Variants in GREB1 observed in about 807,000 individuals in gnomAD.
The protein encoded by GREB1 is growth regulating estrogen receptor binding 1.
GREB1 carries 106 observed loss-of-function variants against 200.7 expected under a neutral mutation model. The observed-to-expected ratio is 0.53, with a 90% CI of 0.45 to 0.62. GREB1 has a LOEUF of 0.62. Ranked by LOEUF, GREB1 falls within the 20% of genes least tolerant of loss-of-function variation. The pLI is 0.00. For synonymous variants in GREB1, 1,132 were observed against 1,092.4 expected (o/e 1.04, Z -0.72); for missense variants, 2,243 against 2,556.8 (o/e 0.88, Z 2.65).
rs186323865 is a variant in GREB1, at chr2:11,549,173, T to C, written c.-161-7281T>C. 7.2e-5 allele frequency among the ~76,000 whole-genome samples: 11 copies of C among 152,284 alleles called. No individual in the cohort carries two copies. The East Asian group carries it at 2.1e-3, about 29-fold the overall frequency. ...AAAATATTCTTTGGGAATCTCATTT[T>C]CTCCTTTTTCTTTATTTATTCTTCT... On this transcript the variant is annotated intron_variant, in intron 1 of 32. Transcript: ENST00000381486.
In GREB1 at chr2:11,522,835, T is replaced by G. The variant is rs140282019; in HGVS notation, c.-158-33622T>G. Reference sequence around the variant, plus strand: ...CCTGTGCAGGCTTGAAACAAAGGTTTTGTTGTTTTCAGCACATCTCACCAG... The same window carrying G: ...CCTGTGCAGGCTTGAAACAAAGGTTGTGTTGTTTTCAGCACATCTCACCAG... On this transcript the variant is annotated intron_variant, in intron 1 of 2. Coordinates refer to the GREB1 transcript ENST00000628795. Among the ~76,000 whole-genome samples, 808 of 152,350 alleles carry G rather than the reference T, an allele frequency of 5.3e-3. 4 individuals carry two copies. The highest frequency in any genetic ancestry group is 0.031 in the Middle Eastern group (9 of 294).
rs558332296 is a variant in GREB1, at chr2:11,629,717, G to A, written c.4450-231G>A. 1.1e-4 allele frequency among the ~76,000 whole-genome samples: 17 copies of A among 152,272 alleles called. No homozygotes were observed. Among genetic ancestry groups the A allele is most frequent in the African/African-American group, 3.8e-4 (16 of 41,560 alleles). On this transcript the variant is annotated intron_variant, in intron 25 of 32. Coordinates refer to ENST00000381486, the MANE Select transcript of GREB1 (RefSeq NM_014668.4). This position sits in a 1 kb window ranked among gnomAD's most constrained non-coding sequence, Gnocchi z 5.2. ...GGCACAGCAGGGTGAGGCCCCATGC[G>A]GACTGAGGATGGGAGCAGGCTCTCG... is the stretch of plus-strand genomic sequence containing the variant.
At chr2:11,572,565 A>G (rs796777907) in intron 4 of GREB1, among the ~76,000 whole-genome samples, 17 of 152,182 alleles carry the variant, frequency 1.1e-4, no homozygotes, top group African/African-American at 4.1e-4. Context: ...TGGAACATGG[A>G]AACCCAGAGA....
At position 11,618,429 on chromosome 2, in the gene GREB1, C is replaced by T. The variant is rs1352432555; in HGVS notation, c.3554C>T (p.Pro1185Leu). The change falls in exon 22 of 33, where the codon CCA becomes CTA. Residue 1185 changes from proline (P) to leucine (L), a missense_variant. Pro to Leu is a moderately conservative substitution (Grantham distance 98, BLOSUM62 -3). Coordinates refer to ENST00000381486, the MANE Select transcript of GREB1 (RefSeq NM_014668.4). ...CAGAGGCCCCGGGCAAGTCAGGGGC[C>T]ACCCTCGGCCATCAGCAGGCACAGT... ...EKQRPRASQGPPSAISRHSPG... is the reference protein window; with the variant it reads ...EKQRPRASQGLPSAISRHSPG... 1.9e-6 allele frequency: 3 copies of T among 1,606,926 alleles called. No homozygotes were observed. The highest frequency in any genetic ancestry group is 2.5e-6 in the Non-Finnish European group (3 of 1,177,282).
intron 9 of GREB1, chr2:11,588,078 T>C (rs6743256): frequency 0.13 from 62,230 of 491,358 alleles, 4,221 homozygotes; most frequent in Middle Eastern, 0.17. Flanking sequence ...ATACAAAAAT[T>C]GGCCGGGTGT....
At chr2:11,617,172 G>A (rs559147595) in intron 21 of GREB1, among the ~76,000 whole-genome samples, 28 of 152,344 alleles carry the variant, frequency 1.8e-4, no homozygotes, top group African/African-American at 5.8e-4. Context: ...TGAGCCTTCC[G>A]CGTAGCCACA....
intron 11 of GREB1, 36 bp downstream of exon 11, chr2:11,593,162 C>G (rs776719087): frequency 1.4e-6 from 2 of 1,408,586 alleles, no homozygotes; most frequent in Non-Finnish European, 1.9e-6. Flanking sequence ...GGAAAGCCCC[C>G]TGAACGGTGT....
chr2:11,500,934 A>G (rs888841667), intron 1 of GREB1, among the ~76,000 whole-genome samples: 1 of 152,180 alleles, frequency 6.6e-6, no homozygotes, highest in Non-Finnish European at 1.5e-5. Flanking sequence ...TAAATGAGAT[A>G]TGAGAAAGGT....
chr2:11,628,260 T>C (rs1684621294), intron 25 of GREB1, among the ~76,000 whole-genome samples: 1 of 152,214 alleles, frequency 6.6e-6, no homozygotes, highest in Non-Finnish European at 1.5e-5. Context: ...ATTGAATATT[T>C]CTTTTCATTT....
chr2:11,513,840 T>C (rs1230251247), intron 1 of GREB1, among the ~76,000 whole-genome samples: 1 of 152,236 alleles, frequency 6.6e-6, no homozygotes, highest in African/African-American at 2.4e-5. Context: ...ACATGGGCTG[T>C]AGTAATACTG....
chr2:11,625,979 C>T (rs982812175), intron 24 of GREB1, among the ~76,000 whole-genome samples: 3 of 152,070 alleles, frequency 2.0e-5, no homozygotes, highest in South Asian at 4.1e-4. Flanking sequence ...AAAGGGGAAA[C>T]CCCTTAGAAA....
intron 2 of GREB1, among the ~76,000 whole-genome samples, chr2:11,562,198 C>T (rs2147920780): frequency 6.6e-6 from 1 of 152,332 alleles, no homozygotes; most frequent in South Asian, 2.1e-4. Flanking sequence ...TTGGGTGAGT[C>T]ATCCAACCCG....
At chr2:11,570,576 G>T (rs1678167654) in intron 4 of GREB1, among the ~76,000 whole-genome samples, 1 of 151,592 alleles carries the variant, frequency 6.6e-6, no homozygotes, top group South Asian at 2.1e-4. Flanking sequence ...AGACAAGGGA[G>T]TTCTAAAGCA....
chr2:11,539,047 TC>T, intron 1 of GREB1, among the ~76,000 whole-genome samples: 1 of 129,212 alleles, frequency 7.7e-6, no homozygotes, highest in South Asian at 2.6e-4. Context: ...TCTTCTCTTC[TC>T]TTCTCTTCTC....
chr2:11,638,346 G>T (rs1269227502), intron 31 of GREB1, among the ~76,000 whole-genome samples: 1 of 152,064 alleles, frequency 6.6e-6, no homozygotes, highest in Non-Finnish European at 1.5e-5. Context: ...TCACTATGTT[G>T]TCCAGGCTGG....
intron 4 of GREB1, among the ~76,000 whole-genome samples, chr2:11,573,840 G>A (rs1426331911): frequency 2.6e-5 from 4 of 152,332 alleles, no homozygotes; most frequent in South Asian, 4.1e-4. Context: ...GCAGCACAGC[G>A]ACGGTCCCCA....
intron 1 of GREB1, among the ~76,000 whole-genome samples, chr2:11,488,299 G>A (rs988230014): frequency 1.3e-5 from 2 of 152,170 alleles, no homozygotes; most frequent in African/African-American, 2.4e-5. Context: ...GAAGGTGGCC[G>A]AGGAGTCTGT....
At position 11,604,695 on chromosome 2, in the gene GREB1, T is replaced by A. The variant is rs563666343; in HGVS notation, c.2666+2153T>A. The stretch of plus-strand genomic sequence containing the variant: ...GATTTGCCCGACTTCATGCAGCCTG[T>A]TGGTGGCAACATGGACTGCAGACAG... On this transcript the variant is annotated intron_variant, in intron 17 of 32. Coordinates refer to ENST00000381486, the MANE Select transcript of GREB1 (RefSeq NM_014668.4). Among the ~76,000 whole-genome samples the A allele has an allele frequency of 2.0e-5, 3 of 152,324 alleles. No homozygotes were observed. The East Asian group carries it at 5.8e-4, about 29-fold the overall frequency.
intron 19 of GREB1, 24 bp downstream of exon 19, chr2:11,612,634 G>T (rs758574719): frequency 1.4e-6 from 2 of 1,472,960 alleles, no homozygotes; most frequent in Non-Finnish European, 1.9e-6. Flanking sequence ...TTATGCCCCT[G>T]GGGGTCTCTG....
Sources: gnomAD v4.1 joint callset for allele counts (sites outside exome capture counted in the v4.1 genomes callset) on GRCh38, gnomAD v4.1.1 for gene constraint, Gnocchi (gnomAD v3.1) non-coding constraint, MANE v1.5 for transcripts, NCBI Gene and HGNC (gene_info 2026-07-23, HGNC 2026-07-21) for gene names.